DPP10: variants seen among roughly 807,000 people sequenced by gnomAD.
The protein encoded by DPP10 is inactive dipeptidyl peptidase 10.
DPP10 carries 33 observed loss-of-function variants against 120.9 expected under a neutral mutation model. The ratio of observed to expected loss-of-function variants is 0.27; its 90% CI spans 0.21 to 0.37. The LOEUF is 0.37. Among genes scored for constraint, DPP10 ranks in the 10% least tolerant of loss-of-function variants. DPP10 has a pLI of 1.00. For synonymous variants in DPP10, 337 were observed against 326.1 expected (o/e 1.03, Z -0.36); for missense variants, 816 against 942.8 (o/e 0.87, Z 1.76).
chr2:115,009,539 T>C (rs1207170701), intron 1 of DPP10, among the ~76,000 whole-genome samples: 1 of 150,428 alleles, frequency 6.6e-6, no homozygotes, highest in African/African-American at 2.5e-5. Flanking sequence ...GTTACTAACC[T>C]GCACAATGTG....
chr2:115,700,856 A>T (rs1243006726), intron 7 of DPP10, among the ~76,000 whole-genome samples: 2 of 152,164 alleles, frequency 1.3e-5, no homozygotes, highest in African/African-American at 4.8e-5. Context: ...ATGAAGAAGG[A>T]TAGAATGCTA....
intron 4 of DPP10, among the ~76,000 whole-genome samples, chr2:115,506,476 C>A (rs1038687089): frequency 1.7e-4 from 26 of 151,992 alleles, no homozygotes; most frequent in Admixed American, 3.9e-4. Context: ...GAAAACATTT[C>A]TTGACTCCTA....
At chr2:115,302,618 T>C (rs2105984216) in intron 1 of DPP10, among the ~76,000 whole-genome samples, 1 of 151,350 alleles carries the variant, frequency 6.6e-6, no homozygotes, top group African/African-American at 2.4e-5. Flanking sequence ...AGAAAAACAA[T>C]CCCGGAACAA....
At chr2:115,698,435 C>T (rs561703272) in intron 7 of DPP10, among the ~76,000 whole-genome samples, 2 of 152,256 alleles carry the variant, frequency 1.3e-5, no homozygotes, top group African/African-American at 4.8e-5. Flanking sequence ...TATGTTGAAG[C>T]CCTAACCTCC....
intron 3 of DPP10, among the ~76,000 whole-genome samples, chr2:115,492,071 A>G (rs192192201): frequency 2.1e-4 from 32 of 152,238 alleles, no homozygotes; most frequent in Admixed American, 2.0e-3. Context: ...CACAACAGCA[A>G]TCAATAAATA....
intron 1 of DPP10, among the ~76,000 whole-genome samples, chr2:115,105,094 C>G (rs541639473): frequency 6.6e-6 from 1 of 152,134 alleles, no homozygotes; most frequent in African/African-American, 2.4e-5. Context: ...CCTAGTTTGC[C>G]AAAGATGACT....
chr2:115,282,990 A>G (rs1379937266), intron 1 of DPP10, among the ~76,000 whole-genome samples: 3 of 152,054 alleles, frequency 2.0e-5, no homozygotes, highest in East Asian at 1.9e-4. Flanking sequence ...ATGTATATTT[A>G]GAATCTAGCC....
At chr2:114,840,801 T>G (rs1472220158) in intron 1 of DPP10, among the ~76,000 whole-genome samples, 1 of 152,164 alleles carries the variant, frequency 6.6e-6, no homozygotes, top group East Asian at 1.9e-4. Context: ...ATTAAACAAC[T>G]TATTTGTGGT....
chr2:115,341,931 A>G (rs2063467880), intron 2 of DPP10, among the ~76,000 whole-genome samples: 1 of 152,160 alleles, frequency 6.6e-6, no homozygotes, highest in South Asian at 2.1e-4. Flanking sequence ...CTGTGTTAAT[A>G]TGTTTTCACC....
intron 17 of DPP10, 150 bp downstream of exon 17, chr2:115,782,549 T>C: frequency 1.5e-6 from 1 of 677,956 alleles, no homozygotes; most frequent in South Asian, 2.0e-5. Context: ...AACTTGACCT[T>C]ATGTATGTAA....
intron 1 of DPP10, among the ~76,000 whole-genome samples, chr2:115,257,363 C>A (rs2059048721): frequency 6.6e-6 from 1 of 152,132 alleles, no homozygotes; most frequent in Non-Finnish European, 1.5e-5. Context: ...ACTCACAGTT[C>A]TGCAGGTTGT....
chr2:114,692,830 T>A (rs1699850389), intron 1 of DPP10, among the ~76,000 whole-genome samples: 1 of 152,116 alleles, frequency 6.6e-6, no homozygotes, highest in East Asian at 1.9e-4. Context: ...TTTACAATTA[T>A]GTAATGCCCT....
chr2:114,636,815 A>G (rs566923790), intron 1 of DPP10, among the ~76,000 whole-genome samples: 2 of 151,880 alleles, frequency 1.3e-5, no homozygotes, highest in Admixed American at 6.6e-5. Context: ...GGTTTTTGAT[A>G]TAAGACTTTT....
At chr2:114,860,350 C>T (rs757142632) in intron 1 of DPP10, among the ~76,000 whole-genome samples, 33 of 152,132 alleles carry the variant, frequency 2.2e-4, no homozygotes, top group African/African-American at 7.7e-4. Context: ...TTCATCTTCA[C>T]GAAGACTCCG....
At chr2:115,318,584 T>C (rs924262454) in intron 2 of DPP10, among the ~76,000 whole-genome samples, 7 of 152,142 alleles carry the variant, frequency 4.6e-5, no homozygotes, top group Non-Finnish European at 8.8e-5. Flanking sequence ...GGAAATAATT[T>C]AAATAAAACA....
chr2:114,886,531 G>A (rs935201476), intron 1 of DPP10, among the ~76,000 whole-genome samples: 4 of 152,120 alleles, frequency 2.6e-5, no homozygotes, highest in East Asian at 3.9e-4. Flanking sequence ...GAAAAGTACC[G>A]TGATCTATGG....
chr2:114,955,321 T>C (rs1342473250), intron 1 of DPP10, among the ~76,000 whole-genome samples: 1 of 152,212 alleles, frequency 6.6e-6, no homozygotes, highest in Non-Finnish European at 1.5e-5. Flanking sequence ...TACTGCAACC[T>C]GTTTTATCAG....
chr2:114,648,732 A>G (rs1696330471), intron 1 of DPP10, among the ~76,000 whole-genome samples: 2 of 152,248 alleles, frequency 1.3e-5, no homozygotes, highest in South Asian at 4.1e-4. Context: ...CTTAAAGTCC[A>G]AAACATCTGC....
At position 114,484,132 on chromosome 2, in the gene DPP10, TA is replaced by T. The variant is rs766459282; in HGVS notation, c.60+41296del. 9.9e-5 allele frequency among the ~76,000 whole-genome samples: 15 copies of T among 152,226 alleles called. No homozygotes were observed. In the East Asian group the frequency reaches 2.9e-3, roughly 29 times the overall value. ...CAACTTTGGAGCCGCTGAACTCCAA[TA>T]ATGGCATGCAGAGGCTGTGAGCCTG... On this transcript the variant is annotated intron_variant, in intron 1 of 25. Coordinates refer to ENST00000410059, the MANE Select transcript of DPP10 (RefSeq NM_020868.6).
Sources: allele counts gnomAD v4.1 joint callset (sites outside exome capture counted in the v4.1 genomes callset), GRCh38; gene constraint gnomAD v4.1.1; transcripts MANE v1.5; gene names NCBI Gene and HGNC (gene_info 2026-07-23, HGNC 2026-07-21).